Variants in NEMP2 observed in about 807,000 individuals in gnomAD.
NEMP2 encodes the protein nuclear envelope integral membrane protein 2.
Under a neutral mutation model 54.2 loss-of-function variants are expected in NEMP2, and 53 were observed. The ratio of observed to expected loss-of-function variants is 0.98; its 90% confidence interval spans 0.78 to 1.23. NEMP2 has a LOEUF of 1.23. Among genes scored for constraint, NEMP2 ranks in the 50% most tolerant of loss-of-function variants. The pLI, the probability that NEMP2 is intolerant of heterozygous loss-of-function variation, is 0.00. For missense variants in NEMP2, 455 were observed against 511.3 expected (o/e 0.89, Z 1.06); for synonymous variants, 197 against 190.3 (o/e 1.04, Z -0.29).
At chr2:190,511,500 CAAT>C (rs1477811294) in intron 7 of NEMP2, among the ~76,000 whole-genome samples, 1 of 149,950 alleles carries the variant, frequency 6.7e-6, no homozygotes, top group Non-Finnish European at 1.5e-5. Flanking sequence ...AAAATAGTAA[CAAT>C]AATAAGGTTT....
the NEMP2 span, among the ~76,000 whole-genome samples, chr2:190,471,103 A>G: frequency 2.4e-4 from 36 of 152,166 alleles, 1 homozygote; most frequent in Non-Finnish European, 5.0e-4. This position sits in a 1 kb window ranked among gnomAD's most constrained non-coding sequence, Gnocchi z 4.7. Context: ...TAAGAATAAC[A>G]GGAGGGTGGA....
chr2:190,437,083 G>C, the NEMP2 span: 1 of 1,614,244 alleles, frequency 6.2e-7, no homozygotes, highest in South Asian at 1.1e-5. This position sits in a 1 kb window ranked among gnomAD's most constrained non-coding sequence, Gnocchi z 5.9. Flanking sequence ...CACCCACATC[G>C]AAGTGCTCAT....
chr2:190,497,723 C>T, the NEMP2 span: 3 of 1,608,916 alleles, frequency 1.9e-6, no homozygotes, highest in South Asian at 3.3e-5. The surrounding 1 kb of genome is among the most constrained non-coding windows in gnomAD (Gnocchi z 5.2). Flanking sequence ...TTTACAGGTA[C>T]AGTTCCTTTG....
chr2:190,479,540 A>G, the NEMP2 span, among the ~76,000 whole-genome samples: 2 of 152,178 alleles, frequency 1.3e-5, no homozygotes, highest in Admixed American at 6.5e-5. Flanking sequence ...CATGATTTTG[A>G]TCAAGAATAT....
In NEMP2 at chr2:190,509,051, C is replaced by G. The variant is rs1275066674; in HGVS notation, c.*138G>C. The G allele has an allele frequency of 7.3e-7, 1 of 1,361,920 alleles. No homozygotes were observed. The highest frequency in any genetic ancestry group is 1.5e-5 in the African/African-American group (1 of 67,936). 84.4% of individuals were successfully genotyped at this position (1,361,920 alleles called of 1,614,324 possible). ...TTATCTTCAAAATGGGTTGGTTTCC[C>G]TTTCCAGACTGACTTGTTTTTCTCC... On this transcript the variant is annotated 3_prime_UTR_variant, in exon 9 of 9. Transcript: ENST00000409150. This position sits in a 1 kb window ranked among gnomAD's most constrained non-coding sequence, Gnocchi z 6.1.
the NEMP2 span, chr2:190,477,322 G>C: frequency 4.1e-6 from 4 of 984,472 alleles, no homozygotes; most frequent in Non-Finnish European, 4.8e-6. Context: ...TCCTGACCTG[G>C]CTTAATTGCT....
At chr2:190,444,361 C>T in the NEMP2 span, among the ~76,000 whole-genome samples, 1 of 152,136 alleles carries the variant, frequency 6.6e-6, no homozygotes, top group Non-Finnish European at 1.5e-5. Flanking sequence ...TGGAATCCTG[C>T]CAGCCAACTT....
chr2:190,555,989 C>T, the NEMP2 span, among the ~76,000 whole-genome samples: 3 of 152,152 alleles, frequency 2.0e-5, no homozygotes, highest in African/African-American at 4.8e-5. This position sits in a 1 kb window ranked among gnomAD's most constrained non-coding sequence, Gnocchi z 4.8. Flanking sequence ...AGGCCAGCAT[C>T]GCCCTGATAC....
At chr2:190,497,890 A>G in the NEMP2 span, 1 of 726,044 alleles carries the variant, frequency 1.4e-6, no homozygotes, top group Non-Finnish European at 2.2e-6. This position sits in a 1 kb window ranked among gnomAD's most constrained non-coding sequence, Gnocchi z 5.2. Context: ...AAGAGGGTGT[A>G]TACAAGGTCC....
At chr2:190,467,408 T>A in the NEMP2 span, among the ~76,000 whole-genome samples, 6 of 151,968 alleles carry the variant, frequency 3.9e-5, no homozygotes, top group African/African-American at 1.2e-4. The surrounding 1 kb of genome is among the most constrained non-coding windows in gnomAD (Gnocchi z 5.5). Flanking sequence ...AGGTCAGGAG[T>A]TTGAGACCAG....
chr2:190,487,493 T>C, the NEMP2 span, among the ~76,000 whole-genome samples: 1 of 152,198 alleles, frequency 6.6e-6, no homozygotes, highest in Admixed American at 6.5e-5. This position sits in a 1 kb window ranked among gnomAD's most constrained non-coding sequence, Gnocchi z 5.5. Flanking sequence ...ATAATCTTAA[T>C]GTCAAAGTAG....
chr2:190,594,452 G>A, the NEMP2 span, among the ~76,000 whole-genome samples: 6 of 152,146 alleles, frequency 3.9e-5, no homozygotes, highest in African/African-American at 1.2e-4. The surrounding 1 kb of genome is among the most constrained non-coding windows in gnomAD (Gnocchi z 5.6). Flanking sequence ...ACACATTATA[G>A]GCACTTGGTG....
chr2:190,600,547 G>A, the NEMP2 span, among the ~76,000 whole-genome samples: 1 of 152,168 alleles, frequency 6.6e-6, no homozygotes, highest in Non-Finnish European at 1.5e-5. The surrounding 1 kb of genome is among the most constrained non-coding windows in gnomAD (Gnocchi z 4.9). Context: ...TGGGGTGGGT[G>A]AATCCTTGCT....
At chr2:190,581,239 A>G in the NEMP2 span, among the ~76,000 whole-genome samples, 1 of 152,310 alleles carries the variant, frequency 6.6e-6, no homozygotes, top group East Asian at 1.9e-4. Flanking sequence ...TTCCCACTTA[A>G]TGGCAGTAAT....
the NEMP2 span, among the ~76,000 whole-genome samples, chr2:190,543,169 T>G: frequency 6.6e-6 from 1 of 152,170 alleles, no homozygotes; most frequent in Non-Finnish European, 1.5e-5. This position sits in a 1 kb window ranked among gnomAD's most constrained non-coding sequence, Gnocchi z 4.7. Flanking sequence ...GTGCCACCTG[T>G]CCCAAATGAG....
the NEMP2 span, chr2:190,489,744 A>G: frequency 1.9e-6 from 3 of 1,603,636 alleles, no homozygotes; most frequent in Middle Eastern, 1.7e-4. This position sits in a 1 kb window ranked among gnomAD's most constrained non-coding sequence, Gnocchi z 6.6. Flanking sequence ...GAATTACTCT[A>G]TAGAGTGCTG....
chr2:190,435,218 T>A, the NEMP2 span: 110 of 152,358 alleles, frequency 7.2e-4, no homozygotes, highest in African/African-American at 2.5e-3. Flanking sequence ...AAACCTGCCA[T>A]GCCTCATTCT....
At chr2:190,595,006 T>C in the NEMP2 span, among the ~76,000 whole-genome samples, 7 of 152,322 alleles carry the variant, frequency 4.6e-5, no homozygotes, top group African/African-American at 1.7e-4. This position sits in a 1 kb window ranked among gnomAD's most constrained non-coding sequence, Gnocchi z 4.0. Flanking sequence ...AAAATTGGTA[T>C]CATATCATAT....
chr2:190,483,519 T>C, the NEMP2 span, among the ~76,000 whole-genome samples: 1 of 152,180 alleles, frequency 6.6e-6, no homozygotes, highest in Non-Finnish European at 1.5e-5. Flanking sequence ...CAATTCCTTG[T>C]AGAGTAAGCT....
Sources: gnomAD v4.1 joint callset for allele counts (sites outside exome capture counted in the v4.1 genomes callset) on GRCh38, gnomAD v4.1.1 for gene constraint, Gnocchi (gnomAD v3.1) non-coding constraint, MANE v1.5 for transcripts, NCBI Gene and HGNC (gene_info 2026-07-23, HGNC 2026-07-21) for gene names.